Variants in PDE4D observed in about 807,000 individuals in gnomAD.
The protein encoded by PDE4D is 3',5'-cyclic-AMP phosphodiesterase 4D.
A neutral mutation model predicts 87.4 loss-of-function variants in PDE4D; 24 were observed. The ratio of observed to expected loss-of-function variants is 0.27; its 90% CI spans 0.20 to 0.39. The LOEUF is 0.39. Ranked by LOEUF, PDE4D falls within the 10% of genes least tolerant of loss-of-function variation. The pLI is 1.00. For missense variants in PDE4D, 714 were observed against 1,041.0 expected, an observed-to-expected ratio of 0.69 and a Z score of 4.32; for synonymous variants, 384 against 383.2, an observed-to-expected ratio of 1.00 and a Z score of -0.02.
At chr5:60,233,462 T>C (rs1264565939) in intron 1 of PDE4D, among the ~76,000 whole-genome samples, 1 of 151,782 alleles carries the variant, frequency 6.6e-6, no homozygotes, top group East Asian at 1.9e-4. Context: ...TCAAAAAATA[T>C]TTTTAAAATT....
At chr5:59,529,488 G>A (rs914479351) in intron 1 of PDE4D, among the ~76,000 whole-genome samples, 4 of 152,068 alleles carry the variant, frequency 2.6e-5, no homozygotes, top group African/African-American at 9.7e-5. Flanking sequence ...AGAAGGATGT[G>A]CAGCAATAGG....
chr5:60,457,528 CTATAA>C (rs1421948266), intron 1 of PDE4D, among the ~76,000 whole-genome samples: 15 of 152,252 alleles, frequency 9.9e-5, no homozygotes, highest in South Asian at 4.1e-4. Flanking sequence ...GTTTTTATTA[CTATAA>C]TATATCAGGG....
chr5:59,111,990 T>C (rs770967648), intron 5 of PDE4D, among the ~76,000 whole-genome samples: 1 of 152,116 alleles, frequency 6.6e-6, no homozygotes, highest in Non-Finnish European at 1.5e-5. Context: ...TATAGTAAAT[T>C]ATGTGTTAGA....
chr5:59,942,908 T>C (rs1757333240), intron 3 of PDE4D, among the ~76,000 whole-genome samples: 1 of 151,410 alleles, frequency 6.6e-6, no homozygotes, highest in African/African-American at 2.4e-5. Flanking sequence ...AGAGACAACT[T>C]TGATTGCCAC....
At chr5:59,377,063 A>G (rs559583824) in intron 1 of PDE4D, among the ~76,000 whole-genome samples, 4 of 152,272 alleles carry the variant, frequency 2.6e-5, no homozygotes, top group Admixed American at 2.6e-4. Context: ...TAAAACCCAA[A>G]GCTATAAAAA....
intron 3 of PDE4D, among the ~76,000 whole-genome samples, chr5:59,985,452 CT>C (rs1762363857): frequency 6.6e-6 from 1 of 151,926 alleles, no homozygotes; most frequent in South Asian, 2.1e-4. Context: ...CGCACTTTAC[CT>C]TCTACTTCTC....
intron 2 of PDE4D, among the ~76,000 whole-genome samples, chr5:59,214,429 G>C (rs910415973): frequency 3.9e-5 from 6 of 152,020 alleles, no homozygotes; most frequent in Non-Finnish European, 8.8e-5. Context: ...AGTAAATGTT[G>C]TTCCCTTAGC....
intron 1 of PDE4D, among the ~76,000 whole-genome samples, chr5:59,232,837 CAT>C (rs1444956055): frequency 6.6e-6 from 1 of 151,426 alleles, no homozygotes; most frequent in Non-Finnish European, 1.5e-5. Context: ...TACACACACA[CAT>C]ACACATACAA....
chr5:60,024,541 T>G (rs1483614496), intron 2 of PDE4D, among the ~76,000 whole-genome samples: 2 of 152,194 alleles, frequency 1.3e-5, no homozygotes, highest in Non-Finnish European at 2.9e-5. Context: ...GAAAAGATAC[T>G]GAGATGAATT....
rs535880776 is a variant in PDE4D, at chr5:60,121,560, C to T, written c.42+63997G>A. Among the ~76,000 whole-genome samples the T allele has an allele frequency of 2.0e-5, 3 of 152,204 alleles. No individual in the cohort carries two copies. In the East Asian group the frequency reaches 5.8e-4, roughly 29 times the overall value. ...AAGTGGAAACCCCTGATAAAACCAT[C>T]AGATCTTGTGAGACTTATTCACGAC... On this transcript the variant is annotated intron_variant, in intron 2 of 16. Coordinates refer to the PDE4D transcript ENST00000502484.
At chr5:59,891,152 C>T (rs1057253719) in intron 1 of PDE4D, among the ~76,000 whole-genome samples, 3 of 152,146 alleles carry the variant, frequency 2.0e-5, no homozygotes, top group African/African-American at 7.2e-5. Flanking sequence ...GTGAACCATT[C>T]AACTAAAAAT....
chr5:60,386,329 G>C (rs1762190578), intron 1 of PDE4D, among the ~76,000 whole-genome samples: 1 of 151,976 alleles, frequency 6.6e-6, no homozygotes, highest in African/African-American at 2.4e-5. Flanking sequence ...TTCCTTAAAG[G>C]GAATCAAATG....
chr5:59,670,490 T>C (rs1747007765), intron 1 of PDE4D, among the ~76,000 whole-genome samples: 1 of 152,170 alleles, frequency 6.6e-6, no homozygotes, highest in South Asian at 2.1e-4. Context: ...TTTTAAAATA[T>C]TGTATACAAT....
chr5:59,816,134 G>C (rs1194133127), intron 1 of PDE4D, among the ~76,000 whole-genome samples: 1 of 152,210 alleles, frequency 6.6e-6, no homozygotes, highest in Non-Finnish European at 1.5e-5. Flanking sequence ...ATTCACACAT[G>C]AAGATGTTTA....
intron 11 of PDE4D, 106 bp downstream of exon 11, chr5:58,988,387 T>A: frequency 2.2e-6 from 1 of 447,072 alleles, no homozygotes; most frequent in Non-Finnish European, 4.0e-6. Flanking sequence ...TATACACATC[T>A]CAAAAGAACA....
intron 1 of PDE4D, among the ~76,000 whole-genome samples, chr5:59,651,361 C>T (rs888789786): frequency 2.7e-5 from 4 of 150,884 alleles, no homozygotes; most frequent in African/African-American, 9.7e-5. Flanking sequence ...TCTTTCTCAA[C>T]CTCTAATACA....
intron 1 of PDE4D, among the ~76,000 whole-genome samples, chr5:60,250,102 C>T (rs544733895): frequency 6.6e-6 from 1 of 152,080 alleles, no homozygotes; most frequent in Non-Finnish European, 1.5e-5. Flanking sequence ...GACACTGGGG[C>T]TATCATCAGA....
At chr5:60,207,396 C>A (rs1466685102) in intron 1 of PDE4D, among the ~76,000 whole-genome samples, 1 of 152,230 alleles carries the variant, frequency 6.6e-6, no homozygotes, top group African/African-American at 2.4e-5. Context: ...AGGAGAATGG[C>A]ATGGCAGGGC....
At chr5:59,732,692 T>C (rs1331863791) in intron 1 of PDE4D, among the ~76,000 whole-genome samples, 1 of 152,040 alleles carries the variant, frequency 6.6e-6, no homozygotes, top group African/African-American at 2.4e-5. Context: ...GCAAGACAGC[T>C]AAAAGCAAAA....
Sources: gnomAD v4.1 joint callset for allele counts (sites outside exome capture counted in the v4.1 genomes callset) on GRCh38, gnomAD v4.1.1 for gene constraint, MANE v1.5 for transcripts, NCBI Gene and HGNC (gene_info 2026-07-23, HGNC 2026-07-21) for gene names.